Variants in RTN1 observed in about 807,000 individuals in gnomAD.
RTN1 encodes the protein reticulon-1.
Under a neutral mutation model 65.5 loss-of-function variants are expected in RTN1, and 25 were observed. The observed-to-expected ratio is 0.38, with a 90% CI of 0.28 to 0.53. The LOEUF (loss-of-function observed/expected upper bound fraction) is 0.53, where lower values mean the gene tolerates loss of function less well. Ranked by LOEUF, RTN1 falls within the 20% of genes least tolerant of loss-of-function variation. RTN1 has a pLI of 0.79. For missense variants in RTN1, 983 were observed against 1,025.4 expected (o/e 0.96, Z 0.57); for synonymous variants, 471 against 447.6 (o/e 1.05, Z -0.66).
intron 8 of RTN1, among the ~76,000 whole-genome samples, chr14:59,601,707 T>C (rs1211072681): frequency 2.0e-5 from 3 of 152,210 alleles, no homozygotes; most frequent in African/African-American, 7.2e-5. Context: ...CTATAGTTTA[T>C]GAACACAGTT....
At chr14:59,701,719 G>A (rs1884182451) in intron 3 of RTN1, among the ~76,000 whole-genome samples, 1 of 152,028 alleles carries the variant, frequency 6.6e-6, no homozygotes, top group African/African-American at 2.4e-5. Context: ...AGGGGCATGG[G>A]GTTTCTTTTT....
chr14:59,716,414 G>A (rs963704114), intron 3 of RTN1, among the ~76,000 whole-genome samples: 2 of 152,140 alleles, frequency 1.3e-5, no homozygotes, highest in African/African-American at 2.4e-5. Flanking sequence ...ATTCTACATG[G>A]TATTATATTT....
At chr14:59,671,281 TTTC>T (rs1441527050) in intron 3 of RTN1, among the ~76,000 whole-genome samples, 1 of 152,210 alleles carries the variant, frequency 6.6e-6, no homozygotes, top group African/African-American at 2.4e-5. Context: ...AAAAGGATTC[TTTC>T]TTCTTATTTT....
intron 3 of RTN1, among the ~76,000 whole-genome samples, chr14:59,693,779 T>C (rs1016802636): frequency 5.9e-5 from 9 of 152,346 alleles, no homozygotes; most frequent in African/African-American, 2.2e-4. Context: ...TGTCCAAAGT[T>C]TTCTCCTTGT....
intron 1 of RTN1, among the ~76,000 whole-genome samples, chr14:59,844,161 G>A (rs1887364379): frequency 6.6e-6 from 1 of 152,154 alleles, no homozygotes; most frequent in Non-Finnish European, 1.5e-5. Flanking sequence ...ACAGCCTCGG[G>A]TATAGAAGGG....
chr14:59,624,318 A>G (rs1882333783), intron 3 of RTN1, among the ~76,000 whole-genome samples: 1 of 152,212 alleles, frequency 6.6e-6, no homozygotes, highest in Non-Finnish European at 1.5e-5. Context: ...AATTTTAATT[A>G]TCAAGATTTA....
chr14:59,675,588 T>C (rs1434319623), intron 3 of RTN1, among the ~76,000 whole-genome samples: 1 of 149,538 alleles, frequency 6.7e-6, no homozygotes, highest in Non-Finnish European at 1.5e-5. Context: ...AATTTAATAA[T>C]ACAATTTTAT....
At chr14:59,613,261 T>A (rs1268328545) in intron 3 of RTN1, among the ~76,000 whole-genome samples, 1 of 152,110 alleles carries the variant, frequency 6.6e-6, no homozygotes, top group African/African-American at 2.4e-5. Flanking sequence ...TGGTTAAAAG[T>A]CAGTTTAATT....
intron 3 of RTN1, among the ~76,000 whole-genome samples, chr14:59,694,383 C>G (rs960027266): frequency 2.6e-5 from 4 of 152,134 alleles, no homozygotes; most frequent in Non-Finnish European, 4.4e-5. Flanking sequence ...GACAAACACT[C>G]TAAGAATGGA....
At chr14:59,740,792 G>A (rs989831650) in intron 2 of RTN1, among the ~76,000 whole-genome samples, 1 of 152,138 alleles carries the variant, frequency 6.6e-6, no homozygotes, top group Non-Finnish European at 1.5e-5. Context: ...GAACAAAACA[G>A]AAGTTTCCAT....
chr14:59,666,962 CAAAAAAAAA>C (rs146213616), intron 3 of RTN1, among the ~76,000 whole-genome samples: 12 of 60,110 alleles, frequency 2.0e-4, no homozygotes, highest in African/African-American at 2.7e-4. Flanking sequence ...GCCGACCAAC[CAAAAAAAAA>C]AAAAAAAAAA....
At chr14:59,733,993 G>T (rs1376128920) in intron 2 of RTN1, among the ~76,000 whole-genome samples, 1 of 152,034 alleles carries the variant, frequency 6.6e-6, no homozygotes, top group Non-Finnish European at 1.5e-5. Flanking sequence ...GCTGGCAAAA[G>T]GTCAGCACTC....
chr14:59,715,498 T>A (rs2139461347), intron 3 of RTN1, among the ~76,000 whole-genome samples: 1 of 152,322 alleles, frequency 6.6e-6, no homozygotes, highest in East Asian at 1.9e-4. Flanking sequence ...ATTTCAGGAT[T>A]CTGTTTTCAG....
rs900792471 is a variant in RTN1 at position 59,870,695 on chromosome 14, C to A, written c.-65G>T. ...GGCAGAGGCTCGGTGGCTGCGCGGG[C>A]GCTCCCTGCTGCTGTCCCCGGAGGG... is the stretch of plus-strand genomic sequence containing the variant. On this transcript the variant is annotated 5_prime_UTR_variant, in exon 1 of 9. Transcript: ENST00000267484. The surrounding 1 kb of genome is among the most constrained non-coding windows in gnomAD (Gnocchi z 5.1). The A allele has an allele frequency of 4.1e-5, 54 of 1,304,664 alleles. 1 individual carries two copies. In the African/African-American group the frequency reaches 5.3e-4, roughly 13 times the overall value. The allele number at this position is 1,304,664 out of a possible 1,614,324, so 80.8% of individuals were successfully genotyped here. A position where few individuals can be genotyped will look rare whatever the true frequency, so the allele number is the denominator to read the frequency against.
At chr14:59,678,340 A>G (rs1435032118) in intron 3 of RTN1, among the ~76,000 whole-genome samples, 1 of 152,236 alleles carries the variant, frequency 6.6e-6, no homozygotes, top group Non-Finnish European at 1.5e-5. Flanking sequence ...AGCAAGAAAG[A>G]AGCCATCAAT....
At chr14:59,620,417 G>A (rs1403238947) in intron 3 of RTN1, among the ~76,000 whole-genome samples, 1 of 152,090 alleles carries the variant, frequency 6.6e-6, no homozygotes, top group Admixed American at 6.5e-5. Flanking sequence ...GTGAAACGGG[G>A]CTAGTCCCAA....
At position 59,821,124 on chromosome 14, in the gene RTN1, T is replaced by C. The variant is rs1201962764; in HGVS notation, c.241+49266A>G. Among the ~76,000 whole-genome samples, 4 of 152,338 alleles carry C rather than the reference T, an allele frequency of 2.6e-5. No individual in the cohort carries two copies. In the East Asian group the frequency reaches 7.7e-4, roughly 29 times the overall value. ...GGCAGTATAGCCATTTTAACAACAT[T>C]GATTCTTCCTGTGCATGATCATGAA... On this transcript the variant is annotated intron_variant, in intron 1 of 8. Transcript: ENST00000267484.
At chr14:59,852,191 T>C (rs998872275) in intron 1 of RTN1, among the ~76,000 whole-genome samples, 5 of 152,194 alleles carry the variant, frequency 3.3e-5, no homozygotes, top group African/African-American at 1.2e-4. Flanking sequence ...TAATGGCACA[T>C]AGGGGCTACA....
At chr14:59,861,264 T>A (rs1437019732) in intron 1 of RTN1, among the ~76,000 whole-genome samples, 2 of 152,092 alleles carry the variant, frequency 1.3e-5, no homozygotes, top group Non-Finnish European at 2.9e-5. Context: ...TCTCACAAGA[T>A]CTGATGGTAT....
Sources: gnomAD v4.1 joint callset for allele counts (sites outside exome capture counted in the v4.1 genomes callset) on GRCh38, gnomAD v4.1.1 for gene constraint, Gnocchi (gnomAD v3.1) non-coding constraint, MANE v1.5 for transcripts, NCBI Gene and HGNC (gene_info 2026-07-23, HGNC 2026-07-21) for gene names.